Variants in SLCO1B1 observed in about 807,000 individuals in gnomAD.
The protein encoded by SLCO1B1 is OATP-2.
A neutral mutation model predicts 70.1 loss-of-function variants in SLCO1B1; 81 were observed. The ratio of observed to expected loss-of-function variants is 1.16; its 90% CI spans 0.97 to 1.39. SLCO1B1 has a LOEUF of 1.39. Ranked by LOEUF, SLCO1B1 falls within the 40% of genes most tolerant of loss-of-function variation. The pLI is 0.00. For synonymous variants in SLCO1B1, 283 were observed against 271.5 expected, an observed-to-expected ratio of 1.04 and a Z score of -0.42; for missense variants, 895 against 799.6, an observed-to-expected ratio of 1.12 and a Z score of -1.44.
Position 21,177,181 on chromosome 12 carries a change from G to T in SLCO1B1, c.481+284G>T, listed in dbSNP as rs1317303041. ...ATTTTCTATATTTGGATTGAACAGG[G>T]CCAACTGCAGAACTTAAGTGTGCAT... On this transcript the variant is annotated intron_variant, in intron 5 of 14. Transcript: ENST00000256958. 2.6e-5 allele frequency among the ~76,000 whole-genome samples: 4 copies of T among 152,094 alleles called. No homozygotes were observed. In the East Asian group the frequency reaches 7.7e-4, roughly 29 times the overall value.
intron 14 of SLCO1B1, among the ~76,000 whole-genome samples, chr12:21,237,131 G>C (rs1406071397): frequency 6.6e-6 from 1 of 151,730 alleles, no homozygotes; most frequent in Non-Finnish European, 1.5e-5. Context: ...TTCTTCTGTT[G>C]TGTTCTTAAC....
At chr12:21,184,484 T>C (rs892767158) in intron 7 of SLCO1B1, among the ~76,000 whole-genome samples, 2 of 152,040 alleles carry the variant, frequency 1.3e-5, no homozygotes, top group Non-Finnish European at 2.9e-5. Context: ...AGAAAAGAAA[T>C]TTCAACCAAA....
chr12:21,235,423 A>G (rs1306048310), intron 14 of SLCO1B1, among the ~76,000 whole-genome samples: 1 of 147,332 alleles, frequency 6.8e-6, no homozygotes, highest in Non-Finnish European at 1.5e-5. Flanking sequence ...TTTTACTTTA[A>G]GTCTATGGGT....
chr12:21,143,470 A>G (rs925639015), intron 2 of SLCO1B1, among the ~76,000 whole-genome samples: 1 of 152,098 alleles, frequency 6.6e-6, no homozygotes, highest in Non-Finnish European at 1.5e-5. Context: ...ATAGTAGCTA[A>G]CATTTATCAA....
At chr12:21,134,257 G>C (rs1484150343) in intron 1 of SLCO1B1, among the ~76,000 whole-genome samples, 2 of 152,056 alleles carry the variant, frequency 1.3e-5, no homozygotes, top group Non-Finnish European at 1.5e-5. Context: ...GAGGATTTTT[G>C]CATCAATGTT....
chr12:21,186,661 T>C (rs1940965311), intron 7 of SLCO1B1, among the ~76,000 whole-genome samples: 1 of 151,194 alleles, frequency 6.6e-6, no homozygotes, highest in Admixed American at 6.6e-5. Flanking sequence ...AAGATCATTG[T>C]AAAAAACAAA....
intron 2 of SLCO1B1, 112 bp from the exon 3 acceptor site, chr12:21,172,538 T>C (rs997662393): frequency 5.7e-6 from 7 of 1,234,678 alleles, no homozygotes; most frequent in Admixed American, 5.2e-5. Context: ...GTTTTTAAGA[T>C]ACAAATAATG....
chr12:21,191,750 G>C (rs544387428), intron 7 of SLCO1B1, among the ~76,000 whole-genome samples: 2 of 152,120 alleles, frequency 1.3e-5, no homozygotes, highest in South Asian at 4.1e-4. Context: ...TTTAATGCTA[G>C]CTGTGAGCTT....
At chr12:21,234,797 A>G (rs576318216) in intron 14 of SLCO1B1, among the ~76,000 whole-genome samples, 1 of 152,258 alleles carries the variant, frequency 6.6e-6, no homozygotes, top group East Asian at 1.9e-4. Flanking sequence ...TTTGTTATTT[A>G]CCCAAAAGTA....
At chr12:21,217,065 G>A in intron 11 of SLCO1B1, 54 bp from the exon 12 acceptor site, 2 of 1,293,872 alleles carry the variant, frequency 1.5e-6, no homozygotes, top group Non-Finnish European at 2.2e-6. Flanking sequence ...TGTATTTGCA[G>A]CACTGTTAGG....
intron 14 of SLCO1B1, among the ~76,000 whole-genome samples, chr12:21,237,494 T>A (rs1405769697): frequency 6.6e-6 from 1 of 152,184 alleles, no homozygotes; most frequent in Non-Finnish European, 1.5e-5. Context: ...TTCCTTCTGG[T>A]TAGTTTCAGG....
At chr12:21,137,224 G>C (rs1476075129) in intron 1 of SLCO1B1, among the ~76,000 whole-genome samples, 1 of 152,140 alleles carries the variant, frequency 6.6e-6, no homozygotes. Context: ...GACCGTGTGA[G>C]GTGTCAGTCC....
At chr12:21,139,158 A>T (rs1365877029) in intron 1 of SLCO1B1, among the ~76,000 whole-genome samples, 1 of 152,144 alleles carries the variant, frequency 6.6e-6, no homozygotes, top group Non-Finnish European at 1.5e-5. Flanking sequence ...CCACCTTGCA[A>T]GTCATACAGA....
intron 1 of SLCO1B1, among the ~76,000 whole-genome samples, chr12:21,134,470 T>A (rs1414976579): frequency 6.6e-6 from 1 of 152,188 alleles, no homozygotes; most frequent in Non-Finnish European, 1.5e-5. Context: ...TCCTGGACTT[T>A]TTTTTGTTGG....
intron 2 of SLCO1B1, among the ~76,000 whole-genome samples, chr12:21,153,615 G>T (rs1260682729): frequency 1.3e-5 from 2 of 151,942 alleles, no homozygotes; most frequent in African/African-American, 4.8e-5. Context: ...CTTGTTAATT[G>T]TGTTATTCAG....
At position 21,222,379 on chromosome 12, in the gene SLCO1B1, AAAAAAAAAAAAAAAAAAAAT is replaced by A. The variant is rs1304716341; in HGVS notation, c.1747+17_1747+36del. ...ACGAGCACTAGGTATGATGAAAAAA[AAAAAAAAAAAAAAAAAAAAT>A]ATATATATATATATATATATATATA... is the stretch of plus-strand genomic sequence containing the variant. On this transcript the variant is annotated intron_variant, in intron 13 of 14. Transcript: ENST00000256958. 1 of 305,234 alleles carries A rather than the reference AAAAAAAAAAAAAAAAAAAAT, an allele frequency of 3.3e-6. No individual in the cohort carries two copies. Among genetic ancestry groups the A allele is most frequent in the Non-Finnish European group, 5.0e-6 (1 of 200,626 alleles). 18.9% of individuals were successfully genotyped at this position (305,234 alleles called of 1,614,324 possible).
At chr12:21,205,751 T>C in intron 10 of SLCO1B1, 117 bp from the exon 11 acceptor site, 1 of 697,440 alleles carries the variant, frequency 1.4e-6, no homozygotes, top group Non-Finnish European at 2.2e-6. Flanking sequence ...GAAAAATTCT[T>C]TATCTACTTT....
intron 2 of SLCO1B1, among the ~76,000 whole-genome samples, chr12:21,166,075 T>A (rs1940681146): frequency 6.6e-6 from 1 of 150,830 alleles, no homozygotes; most frequent in African/African-American, 2.4e-5. Context: ...TGAACCAGCA[T>A]AACAATTACA....
intron 2 of SLCO1B1, among the ~76,000 whole-genome samples, chr12:21,143,872 C>G (rs12582717): frequency 0.043 from 6,590 of 152,114 alleles, 465 homozygotes; most frequent in East Asian, 0.32. Context: ...TGGATTCTAA[C>G]ACTTGCTAAC....
Sources: allele counts gnomAD v4.1 joint callset (sites outside exome capture counted in the v4.1 genomes callset), GRCh38; gene constraint gnomAD v4.1.1; transcripts MANE v1.5; gene names NCBI Gene and HGNC (gene_info 2026-07-23, HGNC 2026-07-21).